Variants in TCF7L1 observed in about 807,000 individuals in gnomAD.
The protein encoded by TCF7L1 is transcription factor 7-like 1.
TCF7L1 carries 18 observed loss-of-function variants against 63.7 expected under a neutral mutation model. The observed-to-expected ratio is 0.28, with a 90% CI of 0.20 to 0.42. The LOEUF is 0.42. Ranked by LOEUF, TCF7L1 falls within the 10% of genes least tolerant of loss-of-function variation. The probability of loss-of-function intolerance (pLI) is 1.00; values close to 1 mark genes in which losing one functional copy is unlikely to be tolerated. For synonymous variants in TCF7L1, 355 were observed against 340.9 expected (o/e 1.04, Z -0.46); for missense variants, 654 against 779.3 (o/e 0.84, Z 1.91).
intron 10 of TCF7L1, 94 bp from the exon 11 acceptor site, chr2:85,307,548 G>A (rs1682147400): frequency 1.9e-6 from 2 of 1,076,044 alleles, no homozygotes; most frequent in South Asian, 2.6e-5. Context: ...GAGCAGTAAA[G>A]GGCAACGTCC....
chr2:85,259,051 C>T (rs1680792960), intron 3 of TCF7L1, among the ~76,000 whole-genome samples: 2 of 152,196 alleles, frequency 1.3e-5, no homozygotes, highest in Admixed American at 6.5e-5. Flanking sequence ...ATGACATTTA[C>T]CATTTGGGAC....
chr2:85,301,299 TAA>T (rs1437319738), intron 4 of TCF7L1, among the ~76,000 whole-genome samples: 1 of 152,210 alleles, frequency 6.6e-6, no homozygotes, highest in African/African-American at 2.4e-5. Flanking sequence ...TGTCCCAGGC[TAA>T]GTCATGTAAT....
At chr2:85,239,066 G>C (rs1558642880) in intron 3 of TCF7L1, among the ~76,000 whole-genome samples, 1 of 151,902 alleles carries the variant, frequency 6.6e-6, no homozygotes, top group Non-Finnish European at 1.5e-5. Flanking sequence ...AGGGGTCCAG[G>C]GGTATGACTA....
At chr2:85,227,122 C>T (rs909496598) in intron 3 of TCF7L1, among the ~76,000 whole-genome samples, 1 of 152,126 alleles carries the variant, frequency 6.6e-6, no homozygotes, top group Non-Finnish European at 1.5e-5. Context: ...AACAAATGTT[C>T]ACTCCTATGC....
intron 3 of TCF7L1, among the ~76,000 whole-genome samples, chr2:85,237,993 T>G (rs1253711793): frequency 6.6e-6 from 1 of 151,994 alleles, no homozygotes; most frequent in East Asian, 1.9e-4. Flanking sequence ...GTGGTGGCAT[T>G]CCAGGCGAAG....
intron 3 of TCF7L1, among the ~76,000 whole-genome samples, chr2:85,221,699 A>AC (rs1383901645): frequency 2.6e-5 from 4 of 152,236 alleles, no homozygotes; most frequent in Non-Finnish European, 5.9e-5. Context: ...ATCACCTCTT[A>AC]AAGTTTCCAC....
chr2:85,171,775 C>T (rs1447028648), intron 3 of TCF7L1, among the ~76,000 whole-genome samples: 1 of 152,214 alleles, frequency 6.6e-6, no homozygotes, highest in African/African-American at 2.4e-5. Flanking sequence ...CTCTCCAAGC[C>T]TCCATCTTGC....
chr2:85,243,201 C>T (rs1164467722), intron 3 of TCF7L1, among the ~76,000 whole-genome samples: 1 of 152,130 alleles, frequency 6.6e-6, no homozygotes, highest in South Asian at 2.1e-4. Context: ...TACTCCTCGG[C>T]GCCATTACAT....
At chr2:85,195,374 CA>C (rs1328417724) in intron 3 of TCF7L1, among the ~76,000 whole-genome samples, 2 of 152,136 alleles carry the variant, frequency 1.3e-5, no homozygotes, top group Non-Finnish European at 2.9e-5. Context: ...CACTGGAGCC[CA>C]AAAGGTCAAG....
intron 3 of TCF7L1, among the ~76,000 whole-genome samples, chr2:85,225,385 G>A (rs1325483220): frequency 7.2e-5 from 11 of 152,112 alleles, no homozygotes; most frequent in African/African-American, 1.9e-4. Flanking sequence ...CCATTTTCAC[G>A]ATATTGATTC....
intron 3 of TCF7L1, among the ~76,000 whole-genome samples, chr2:85,183,335 G>A (rs1265539209): frequency 6.6e-6 from 1 of 152,188 alleles, no homozygotes; most frequent in Admixed American, 6.5e-5. Flanking sequence ...GCACCAAGGG[G>A]AGTCACCTAG....
At chr2:85,218,642 G>T (rs189855704) in intron 3 of TCF7L1, among the ~76,000 whole-genome samples, 18 of 150,950 alleles carry the variant, frequency 1.2e-4, no homozygotes, top group Middle Eastern at 3.4e-3. Context: ...ATTCCAATGG[G>T]GGGGGGAAAA....
At chr2:85,164,242 A>G (rs1183185455) in intron 3 of TCF7L1, among the ~76,000 whole-genome samples, 1 of 152,128 alleles carries the variant, frequency 6.6e-6, no homozygotes, top group African/African-American at 2.4e-5. Context: ...GCTTCTGGGT[A>G]CACTCAGAGG....
chr2:85,208,966 G>T (rs896436192), intron 3 of TCF7L1, among the ~76,000 whole-genome samples: 2 of 152,158 alleles, frequency 1.3e-5, no homozygotes, highest in African/African-American at 4.8e-5. Context: ...CTCTGCATCT[G>T]TTGTAGGATT....
chr2:85,256,205 G>A (rs887892182), intron 3 of TCF7L1, among the ~76,000 whole-genome samples: 11 of 152,296 alleles, frequency 7.2e-5, no homozygotes, highest in East Asian at 5.8e-4. Context: ...GCCGGTTGGC[G>A]TCCCCCCCGC....
At chr2:85,160,951 CAG>C (rs951927369) in intron 3 of TCF7L1, among the ~76,000 whole-genome samples, 7 of 152,224 alleles carry the variant, frequency 4.6e-5, no homozygotes, top group Non-Finnish European at 7.3e-5. Context: ...TGGTGTAAAA[CAG>C]GGGTGGCTGT....
intron 3 of TCF7L1, among the ~76,000 whole-genome samples, chr2:85,160,553 T>C (rs1574084080): frequency 6.6e-6 from 1 of 152,100 alleles, no homozygotes. Context: ...GTACACCTTT[T>C]TTTAAAAAAA....
chr2:85,305,120 A>T (rs1375693499), intron 7 of TCF7L1, 140 bp from the exon 8 acceptor site: 7 of 1,167,706 alleles, frequency 6.0e-6, no homozygotes, highest in Non-Finnish European at 8.8e-6. Flanking sequence ...CTAGAAGACG[A>T]CAAATAGCCT....
intron 4 of TCF7L1, among the ~76,000 whole-genome samples, 180 bp from the exon 5 acceptor site, chr2:85,302,304 T>A (rs1194259139): frequency 6.6e-6 from 1 of 152,086 alleles, no homozygotes; most frequent in Non-Finnish European, 1.5e-5. Context: ...GTGGGTGTGA[T>A]CCCTTCTCAA....
Sources: gnomAD v4.1 joint callset for allele counts (sites outside exome capture counted in the v4.1 genomes callset) on GRCh38, gnomAD v4.1.1 for gene constraint, MANE v1.5 for transcripts, NCBI Gene and HGNC (gene_info 2026-07-23, HGNC 2026-07-21) for gene names.